RAB3C: variants seen among roughly 807,000 people sequenced by gnomAD.
RAB3C encodes RAB3C, member RAS oncogene family.
RAB3C carries 17 observed loss-of-function variants against 26.4 expected under a neutral mutation model. The ratio of observed to expected loss-of-function variants is 0.64; its 90% CI spans 0.44 to 0.97. RAB3C has a LOEUF of 0.97. RAB3C is among the 50% of genes least tolerant of loss of function. The pLI, the probability that RAB3C is intolerant of heterozygous loss-of-function variation, is 0.00. For synonymous variants in RAB3C, 91 were observed against 95.9 expected (o/e 0.95, Z 0.30); for missense variants, 242 against 281.9 (o/e 0.86, Z 1.01).
Position 58,855,550 on chromosome 5 carries a change from A to G in RAB3C, c.*4199A>G, listed in dbSNP as rs1744240127. 6.6e-6 allele frequency: 1 copy of G among 152,042 alleles called. No homozygotes were observed. The highest frequency in any genetic ancestry group is 1.5e-5 in the Non-Finnish European group (1 of 68,010). 9.4% of individuals were successfully genotyped at this position (152,042 alleles called of 1,614,324 possible). A position where few individuals can be genotyped will look rare whatever the true frequency, so the allele number is the denominator to read the frequency against. On this transcript the variant is annotated 3_prime_UTR_variant, in exon 5 of 5. Coordinates refer to ENST00000282878, the MANE Select transcript of RAB3C (RefSeq NM_138453.4). ...TTTCTGTCACTCCCTGGAAAATGCA[A>G]CCTCTACAGCTCTGCTCAGCTCTGC...
At chr5:58,679,081 G>T (rs1748294067) in intron 2 of RAB3C, among the ~76,000 whole-genome samples, 1 of 152,172 alleles carries the variant, frequency 6.6e-6, no homozygotes, top group Admixed American at 6.5e-5. Flanking sequence ...GAGACACAGT[G>T]TCAAGTCCTA....
chr5:58,856,246 A>G lies in RAB3C; in HGVS notation c.*4895A>G, dbSNP rs1744257373. Reference sequence around the variant, plus strand: ...TTCGTTTGATTAGTCTGTGCATGTAATTAATTTCCTCCAAACAGAGAGAGT... The same window carrying G: ...TTCGTTTGATTAGTCTGTGCATGTAGTTAATTTCCTCCAAACAGAGAGAGT... On this transcript the variant is annotated 3_prime_UTR_variant, in exon 5 of 5. Coordinates refer to ENST00000282878, the MANE Select transcript of RAB3C (RefSeq NM_138453.4). The G allele has an allele frequency of 6.6e-6, 1 of 151,880 alleles. No individual in the cohort carries two copies. The highest frequency in any genetic ancestry group is 1.5e-5 in the Non-Finnish European group (1 of 68,010). The allele number at this position is 151,880 out of a possible 1,614,324, so 9.4% of individuals were successfully genotyped here.
At chr5:58,584,834 A>G (rs755699139) in intron 1 of RAB3C, among the ~76,000 whole-genome samples, 49 of 17,710 alleles carry the variant, frequency 2.8e-3, no homozygotes, top group Middle Eastern at 0.083. Context: ...CTGTATATCA[A>G]TTTTGCTTTC....
At chr5:58,800,258 C>T (rs1400226) in intron 3 of RAB3C, among the ~76,000 whole-genome samples, 83,276 of 152,076 alleles carry the variant, frequency 0.55, 23,305 homozygotes, top group Middle Eastern at 0.66. Flanking sequence ...AGCAGCCTCA[C>T]TTCTCTCTTT....
At chr5:58,666,749 G>T (rs1748010089) in intron 2 of RAB3C, among the ~76,000 whole-genome samples, 1 of 152,178 alleles carries the variant, frequency 6.6e-6, no homozygotes, top group Non-Finnish European at 1.5e-5. Context: ...TCCCCAGGAA[G>T]AAACTGCGAC....
chr5:58,813,627 TATATATACAC>T (rs1330837657), intron 3 of RAB3C, among the ~76,000 whole-genome samples: 643 of 11,628 alleles, frequency 0.055, 10 homozygotes, highest in Middle Eastern at 0.12. Flanking sequence ...TATATATATA[TATATATACAC>T]ACACACACAC....
At chr5:58,699,256 G>T (rs1385013087) in intron 2 of RAB3C, among the ~76,000 whole-genome samples, 1 of 152,178 alleles carries the variant, frequency 6.6e-6, no homozygotes, top group African/African-American at 2.4e-5. Flanking sequence ...AGCATCAGCA[G>T]AGGCTGCAGA....
intron 2 of RAB3C, among the ~76,000 whole-genome samples, chr5:58,628,841 C>G (rs560259823): frequency 6.6e-6 from 1 of 151,978 alleles, no homozygotes; most frequent in Non-Finnish European, 1.5e-5. Flanking sequence ...CAACAACAGC[C>G]GACCCACACT....
chr5:58,821,810 A>G (rs924890788), intron 3 of RAB3C, among the ~76,000 whole-genome samples: 1 of 152,218 alleles, frequency 6.6e-6, no homozygotes, highest in Non-Finnish European at 1.5e-5. Context: ...CTTCTCAGGA[A>G]GGAGAAACAG....
intron 4 of RAB3C, among the ~76,000 whole-genome samples, chr5:58,836,064 C>T (rs1442970761): frequency 6.6e-6 from 1 of 152,106 alleles, no homozygotes; most frequent in East Asian, 1.9e-4. Flanking sequence ...ATTTAAAATG[C>T]CTTTTATCAT....
In RAB3C at chr5:58,838,034, G is replaced by A. The variant is rs113933425; in HGVS notation, c.496+12872G>A. ...ACTTTATTTATTTAGGTCTTATCTCGTTTTTTCTTCGTCTAGCTAATGATT... is the reference window on the plus strand; with the variant it reads ...ACTTTATTTATTTAGGTCTTATCTCATTTTTTCTTCGTCTAGCTAATGATT... On this transcript the variant is annotated intron_variant, in intron 4 of 4. Coordinates refer to ENST00000282878, the MANE Select transcript of RAB3C (RefSeq NM_138453.4). Among the ~76,000 whole-genome samples, 13 of 152,098 alleles carry A rather than the reference G, an allele frequency of 8.5e-5. No individual in the cohort carries two copies. In the East Asian group the frequency reaches 1.7e-3, roughly 20 times the overall value.
chr5:58,671,915 C>T (rs1302069094), intron 2 of RAB3C, among the ~76,000 whole-genome samples: 2 of 151,858 alleles, frequency 1.3e-5, no homozygotes, highest in Non-Finnish European at 2.9e-5. Flanking sequence ...TACACGTAAA[C>T]AATGACATGA....
chr5:58,824,925 T>TG lies in RAB3C; in HGVS notation c.372-112dup, dbSNP rs577633018. On this transcript the variant is annotated intron_variant, in intron 3 of 4. Coordinates refer to ENST00000282878, the MANE Select transcript of RAB3C (RefSeq NM_138453.4). ...CTAAATGTCAGGCATTTGGACATCGTGTTTTTTTTTTCCTTTTGCTACCAT... is the reference window on the plus strand; with the variant it reads ...CTAAATGTCAGGCATTTGGACATCGTGGTTTTTTTTTTCCTTTTGCTACCAT... 2.3e-3 allele frequency: 1,307 copies of TG among 578,980 alleles called. 18 individuals are homozygous for TG. The African/African-American group carries it at 0.035, about 15-fold the overall frequency. The allele number at this position is 578,980 out of a possible 1,614,324, so 35.9% of individuals were successfully genotyped here.
chr5:58,810,639 C>G (rs2112039112), intron 3 of RAB3C, among the ~76,000 whole-genome samples: 1 of 152,218 alleles, frequency 6.6e-6, no homozygotes, highest in East Asian at 1.9e-4. Context: ...CTGTGTCACC[C>G]AGGCTGGAGT....
At position 58,857,574 on chromosome 5, in the gene RAB3C, C is replaced by T. The variant is rs757809501; in HGVS notation, c.*6223C>T. 6.6e-6 allele frequency: 1 copy of T among 152,132 alleles called. No individual in the cohort carries two copies. The highest frequency in any genetic ancestry group is 1.5e-5 in the Non-Finnish European group (1 of 68,012). The allele number at this position is 152,132 out of a possible 1,614,324, so 9.4% of individuals were successfully genotyped here. Reference sequence around the variant, plus strand: ...TGACATGTCTACTAAGAATTTTCACCTCTGTACTTGTATGTATATTTTATT... The same window carrying T: ...TGACATGTCTACTAAGAATTTTCACTTCTGTACTTGTATGTATATTTTATT... On this transcript the variant is annotated 3_prime_UTR_variant, in exon 5 of 5. Coordinates refer to ENST00000282878, the MANE Select transcript of RAB3C (RefSeq NM_138453.4).
chr5:58,636,722 A>G (rs1478587205), intron 2 of RAB3C, among the ~76,000 whole-genome samples: 2 of 152,232 alleles, frequency 1.3e-5, no homozygotes, highest in Non-Finnish European at 2.9e-5. Context: ...GTGGTGAATC[A>G]TAAGCCTTGG....
chr5:58,629,687 C>T (rs1747150777), intron 2 of RAB3C, among the ~76,000 whole-genome samples: 1 of 152,010 alleles, frequency 6.6e-6, no homozygotes, highest in Non-Finnish European at 1.5e-5. Context: ...AGGCTGTTAG[C>T]ATGGGGAAAC....
In RAB3C at chr5:58,654,331, A is replaced by G. The variant is rs149740202; in HGVS notation, c.252+36461A>G. Among the ~76,000 whole-genome samples, 584 of 152,346 alleles carry G rather than the reference A, an allele frequency of 3.8e-3. 1 individual carries two copies. The highest frequency in any genetic ancestry group is 6.6e-3 in the Non-Finnish European group (452 of 68,010). On this transcript the variant is annotated intron_variant, in intron 2 of 4. Transcript: ENST00000282878. ...TTTATGGATTCTTTCCAAAGAGCTT[A>G]GCAAGTTAAGTTATATTTTAAATGG...
At chr5:58,642,725 T>A (rs1055744815) in intron 2 of RAB3C, among the ~76,000 whole-genome samples, 6 of 152,262 alleles carry the variant, frequency 3.9e-5, no homozygotes, top group African/African-American at 1.4e-4. Context: ...ATTTCTTGAT[T>A]GCTCTTTTAA....
Sources: allele counts gnomAD v4.1 joint callset (sites outside exome capture counted in the v4.1 genomes callset), GRCh38; gene constraint gnomAD v4.1.1; transcripts MANE v1.5; gene names NCBI Gene and HGNC (gene_info 2026-07-23, HGNC 2026-07-21).